The following NKAIN2 variants were observed in gnomAD, a reference collection of about 807,000 sequenced individuals.
The protein encoded by NKAIN2 is sodium/potassium transporting ATPase interacting 2.
A neutral mutation model predicts 32.6 loss-of-function variants in NKAIN2; 14 were observed. That is an observed-to-expected ratio of 0.43 (90% CI 0.28 to 0.67). NKAIN2 has a LOEUF of 0.67. NKAIN2 is among the 30% of genes least tolerant of loss of function. NKAIN2 has a pLI of 0.17. For missense variants in NKAIN2, 198 were observed against 258.3 expected (o/e 0.77, Z 1.60); for synonymous variants, 80 against 87.2 (o/e 0.92, Z 0.46).
At chr6:124,780,594 C>T in intron 4 of NKAIN2, among the ~76,000 whole-genome samples, 1 of 152,186 alleles carries the variant, frequency 6.6e-6, no homozygotes, top group East Asian at 1.9e-4. Flanking sequence ...AGTGTTGGGG[C>T]TGAAAGCATA....
chr6:123,863,868 C>T (rs941588215), intron 1 of NKAIN2, among the ~76,000 whole-genome samples: 3 of 152,020 alleles, frequency 2.0e-5, no homozygotes, highest in Non-Finnish European at 4.4e-5. Flanking sequence ...TTTTTTTCTG[C>T]CATAACAATA....
chr6:124,063,184 CA>C lies in NKAIN2; in HGVS notation c.55-219811del, dbSNP rs910780479. 3.3e-3 allele frequency among the ~76,000 whole-genome samples: 487 copies of C among 145,536 alleles called. 5 individuals carry two copies. Among genetic ancestry groups the C allele is most frequent in the African/African-American group, 0.011 (450 of 39,654 alleles). On this transcript the variant is annotated intron_variant, in intron 1 of 6. Transcript: ENST00000368417. ...TGGGCAACACAGTGAGACTCCATCTCAAAAAAAAAATTATATATATATATCT... is the reference window on the plus strand; with the variant it reads ...TGGGCAACACAGTGAGACTCCATCTCAAAAAAAAATTATATATATATATCT...
At chr6:124,091,456 T>A (rs941000072) in intron 1 of NKAIN2, among the ~76,000 whole-genome samples, 3 of 152,036 alleles carry the variant, frequency 2.0e-5, no homozygotes, top group Admixed American at 1.3e-4. Flanking sequence ...AGGACTACCT[T>A]TGTTGCATAA....
intron 3 of NKAIN2, among the ~76,000 whole-genome samples, chr6:124,616,583 G>A (rs1782910573): frequency 6.8e-6 from 1 of 148,140 alleles, no homozygotes; most frequent in South Asian, 2.1e-4. Flanking sequence ...TCCTGCCTCA[G>A]CCTCCCGAGT....
At chr6:124,685,091 G>T (rs1490743226) in intron 4 of NKAIN2, among the ~76,000 whole-genome samples, 1 of 152,064 alleles carries the variant, frequency 6.6e-6, no homozygotes, top group Admixed American at 6.6e-5. Flanking sequence ...TTATCACATG[G>T]TATTGGAAGT....
At chr6:124,024,204 G>T (rs1409182590) in intron 1 of NKAIN2, among the ~76,000 whole-genome samples, 1 of 152,030 alleles carries the variant, frequency 6.6e-6, no homozygotes, top group Non-Finnish European at 1.5e-5. Flanking sequence ...ATTTGTTTCA[G>T]ACAGATTATA....
At chr6:124,291,189 C>A (rs1251728753) in intron 2 of NKAIN2, among the ~76,000 whole-genome samples, 1 of 152,064 alleles carries the variant, frequency 6.6e-6, no homozygotes, top group Non-Finnish European at 1.5e-5. Flanking sequence ...TCTTAGAACA[C>A]TGAAGTAATT....
chr6:124,557,554 C>T (rs1339947084), intron 3 of NKAIN2, among the ~76,000 whole-genome samples: 3 of 152,112 alleles, frequency 2.0e-5, no homozygotes, highest in Admixed American at 2.0e-4. Flanking sequence ...TTAGTACTGT[C>T]CCTATAGACA....
chr6:124,305,909 T>G (rs1796489184), intron 2 of NKAIN2, among the ~76,000 whole-genome samples: 1 of 152,160 alleles, frequency 6.6e-6, no homozygotes, highest in South Asian at 2.1e-4. Context: ...ATTTCCTAAT[T>G]CTTTCTTTTC....
chr6:124,552,036 G>T (rs1350302336), intron 3 of NKAIN2, among the ~76,000 whole-genome samples: 1 of 152,186 alleles, frequency 6.6e-6, no homozygotes, highest in African/African-American at 2.4e-5. Flanking sequence ...CTGAACAGAA[G>T]TCTCAGATGT....
chr6:123,836,098 G>C (rs918521208), intron 1 of NKAIN2, among the ~76,000 whole-genome samples: 1 of 151,962 alleles, frequency 6.6e-6, no homozygotes, highest in Non-Finnish European at 1.5e-5. Context: ...GTTCATATTA[G>C]TATTAATACA....
intron 1 of NKAIN2, among the ~76,000 whole-genome samples, chr6:124,227,280 C>T (rs1290024902): frequency 6.6e-6 from 1 of 152,014 alleles, no homozygotes. Context: ...CTGACTTTCC[C>T]TTCCTTTGAG....
intron 3 of NKAIN2, among the ~76,000 whole-genome samples, chr6:124,478,261 G>T (rs189012427): frequency 5.6e-4 from 85 of 152,260 alleles, no homozygotes; most frequent in Admixed American, 1.3e-3. Flanking sequence ...TAGTTGCACT[G>T]TCAGGTCAGA....
intron 3 of NKAIN2, among the ~76,000 whole-genome samples, chr6:124,558,948 T>TCAGA (rs1554225814): frequency 6.7e-6 from 1 of 150,024 alleles, no homozygotes; most frequent in Non-Finnish European, 1.5e-5. Context: ...AAACTCCATC[T>TCAGA]CAAACAAACA....
chr6:124,100,203 G>A (rs1784816783), intron 1 of NKAIN2, among the ~76,000 whole-genome samples: 1 of 152,200 alleles, frequency 6.6e-6, no homozygotes, highest in African/African-American at 2.4e-5. Flanking sequence ...CGATGCTTGA[G>A]TGCATCTTTT....
intron 1 of NKAIN2, among the ~76,000 whole-genome samples, chr6:124,221,480 G>A (rs889955417): frequency 1.3e-5 from 2 of 151,580 alleles, no homozygotes; most frequent in Admixed American, 6.6e-5. Context: ...TGGGTGCAGC[G>A]CACCAGCGTG....
intron 1 of NKAIN2, among the ~76,000 whole-genome samples, chr6:124,189,010 TTTAG>T (rs1263432661): frequency 3.9e-5 from 6 of 152,168 alleles, no homozygotes; most frequent in Non-Finnish European, 8.8e-5. Context: ...GGAGAAACAT[TTTAG>T]TTAAACACCA....
chr6:124,359,648 C>T (rs1170882194), intron 3 of NKAIN2, among the ~76,000 whole-genome samples: 2 of 152,098 alleles, frequency 1.3e-5, no homozygotes, highest in Non-Finnish European at 2.9e-5. Flanking sequence ...GCTGAAGTTG[C>T]CTATCAGCTT....
intron 1 of NKAIN2, among the ~76,000 whole-genome samples, chr6:123,959,925 A>ATGTGTGTGTG (rs6149793): frequency 7.1e-5 from 10 of 141,364 alleles, no homozygotes; most frequent in African/African-American, 1.3e-4. Context: ...TCTTCCATAT[A>ATGTGTGTGTG]TGTGTGTGTG....
Sources: gnomAD v4.1 joint callset for allele counts (sites outside exome capture counted in the v4.1 genomes callset) on GRCh38, gnomAD v4.1.1 for gene constraint, MANE v1.5 for transcripts, NCBI Gene and HGNC (gene_info 2026-07-23, HGNC 2026-07-21) for gene names.